TADA2A: variants seen among roughly 807,000 people sequenced by gnomAD.
The protein encoded by TADA2A is transcriptional adapter 2-alpha.
In TADA2A, 38 loss-of-function variants were observed where a neutral mutation model predicts 67.4. The ratio of observed to expected loss-of-function variants is 0.56; its 90% CI spans 0.44 to 0.74. The LOEUF (loss-of-function observed/expected upper bound fraction) is 0.74, where lower values mean the gene tolerates loss of function less well. Ranked by LOEUF, TADA2A falls within the 30% of genes least tolerant of loss-of-function variation. The pLI is 0.00. For synonymous variants in TADA2A, 192 were observed against 181.6 expected (o/e 1.06, Z -0.46); for missense variants, 454 against 547.0 (o/e 0.83, Z 1.70).
At chr17:37,473,574 A>G (rs781673381) in intron 14 of TADA2A, among the ~76,000 whole-genome samples, 22 of 152,140 alleles carry the variant, frequency 1.4e-4, no homozygotes, top group Non-Finnish European at 2.9e-4. Context: ...TTGAAAAGCA[A>G]CCTCTATAAA....
In TADA2A at chr17:37,411,149, A is replaced by T. The variant is rs182089490; in HGVS notation, c.-97-120A>T. On this transcript the variant is annotated intron_variant, in intron 1 of 15. Transcript: ENST00000615182. ...GGAAGAAACAGGTTTTCAGAGGTGG[A>T]ATAATTTTTCAACATTACAAAGCTA... 5 of 588,320 alleles carry T rather than the reference A, an allele frequency of 8.5e-6. No homozygotes were observed. The Admixed American group carries it at 1.2e-4, about 14-fold the overall frequency. The allele number at this position is 588,320 out of a possible 1,614,324, so 36.4% of individuals were successfully genotyped here. A position where few individuals can be genotyped will look rare whatever the true frequency, so the allele number is the denominator to read the frequency against.
chr17:37,458,639 G>T (rs748505179), intron 9 of TADA2A, 52 bp downstream of exon 9: 64,212 of 189,316 alleles, frequency 0.34, 2,078 homozygotes, highest in Middle Eastern at 0.38. Context: ...TTATTGTTTT[G>T]TGTGTGTGTG....
Position 37,423,554 on chromosome 17 carries a change from T to C in TADA2A, c.71T>C (p.Leu24Pro). 1 of 1,613,206 alleles carries C rather than the reference T, an allele frequency of 6.2e-7. No homozygotes were observed. The highest frequency in any genetic ancestry group is 8.5e-7 in the Non-Finnish European group (1 of 1,179,828). Reference sequence around the variant, plus strand: ...CCTTGCCGAGGCTGCTCCTCCTACCTCATGGAGCCTTATATCAAGTGTGCT... The same window carrying C: ...CCTTGCCGAGGCTGCTCCTCCTACCCCATGGAGCCTTATATCAAGTGTGCT... ...KPPCRGCSSY[L>P]MEPYIKCAEC... is the part of the protein sequence containing the mutation. The change falls in exon 3 of 16, where the codon CTC (leucine) becomes CCC (proline). Residue 24 changes from leucine (L) to proline (P), a missense_variant. Coordinates refer to ENST00000615182, the MANE Select transcript of TADA2A (RefSeq NM_001166105.3).
chr17:37,407,428 G>A (rs1386638449), intron 1 of TADA2A: 1 of 152,222 alleles, frequency 6.6e-6, no homozygotes, highest in Non-Finnish European at 1.5e-5. Flanking sequence ...TCCACAACTC[G>A]GGAGCCTGCG....
At chr17:37,474,979 A>C (rs2053863651) in intron 15 of TADA2A, among the ~76,000 whole-genome samples, 3 of 152,162 alleles carry the variant, frequency 2.0e-5, no homozygotes, top group Non-Finnish European at 4.4e-5. Flanking sequence ...TAACTTCTAC[A>C]TGAAAATAGA....
chr17:37,442,502 A>G, intron 6 of TADA2A, 62 bp from the exon 7 acceptor site: 1 of 1,243,380 alleles, frequency 8.0e-7, no homozygotes, highest in Non-Finnish European at 1.2e-6. Context: ...TTGGACTATT[A>G]TGTCATTTTT....
intron 8 of TADA2A, among the ~76,000 whole-genome samples, chr17:37,452,916 A>G (rs1351483530): frequency 6.6e-6 from 1 of 152,194 alleles, no homozygotes; most frequent in Non-Finnish European, 1.5e-5. Context: ...AACAAAAAGA[A>G]TCCATGGTAG....
At chr17:37,462,348 G>T (rs1332501150) in intron 10 of TADA2A, among the ~76,000 whole-genome samples, 1 of 152,086 alleles carries the variant, frequency 6.6e-6, no homozygotes, top group East Asian at 1.9e-4. Context: ...TTAATTTGGG[G>T]CCAGGCGCGG....
chr17:37,466,679 C>G (rs1887128191), intron 11 of TADA2A, among the ~76,000 whole-genome samples: 1 of 152,166 alleles, frequency 6.6e-6, no homozygotes, highest in Non-Finnish European at 1.5e-5. Flanking sequence ...TACCAGGTGA[C>G]TGATCCTTTA....
chr17:37,438,793 C>T (rs75709051), intron 5 of TADA2A, among the ~76,000 whole-genome samples: 7,836 of 152,194 alleles, frequency 0.051, 255 homozygotes, highest in Middle Eastern at 0.082. Flanking sequence ...TTTTTGCTTA[C>T]CATTCTCTCT....
At chr17:37,414,713 T>C (rs1226449846) in intron 2 of TADA2A, among the ~76,000 whole-genome samples, 1 of 152,162 alleles carries the variant, frequency 6.6e-6, no homozygotes, top group South Asian at 2.1e-4. Flanking sequence ...CATTAATTCC[T>C]CATTCACATG....
rs749593818 is a variant in TADA2A at position 37,476,865 on chromosome 17, T to G, written c.1215T>G (p.Cys405Trp). The G allele has an allele frequency of 3.1e-6, 5 of 1,614,050 alleles. No individual in the cohort carries two copies. The highest frequency in any genetic ancestry group is 1.7e-6 in the Non-Finnish European group (2 of 1,180,028). Residue 405 changes from cysteine to tryptophan, a missense_variant, in exon 16 of 16, where the codon TGT becomes TGG. Transcript: ENST00000615182. ...LEYKSALLNE[C>W]NKQGGLRLAQ... ...ACAAATCTGCTCTATTGAACGAATG[T>G]AACAAGCAAGGAGGCTTAAGACTGG...
intron 5 of TADA2A, 55 bp from the exon 6 acceptor site, chr17:37,440,450 T>TAAAA: frequency 6.3e-7 from 1 of 1,580,600 alleles, no homozygotes; most frequent in Non-Finnish European, 8.6e-7. Context: ...ATGATGCTTT[T>TAAAA]AGTATTATGT....
At chr17:37,474,096 G>A (rs28373531) in intron 14 of TADA2A, among the ~76,000 whole-genome samples, 8,865 of 152,194 alleles carry the variant, frequency 0.058, 309 homozygotes, top group Middle Eastern at 0.099. Context: ...GGTGATAGTC[G>A]GGCATGGTGG....
intron 3 of TADA2A, among the ~76,000 whole-genome samples, chr17:37,425,645 CAG>C (rs1330820513): frequency 6.6e-6 from 1 of 151,822 alleles, no homozygotes; most frequent in African/African-American, 2.4e-5. Context: ...ATCTTGATTT[CAG>C]AGAGTTTTTT....
intron 2 of TADA2A, among the ~76,000 whole-genome samples, chr17:37,422,996 T>C (rs986906847): frequency 1.3e-5 from 2 of 152,160 alleles, no homozygotes; most frequent in African/African-American, 2.4e-5. Flanking sequence ...TCCAGAGCTT[T>C]GAGAGGCCAA....
In TADA2A at chr17:37,432,179, T is replaced by A. The variant is rs879302086; in HGVS notation, c.192+5170T>A. Reference sequence around the variant, plus strand: ...GCTTTTTTATTTATTTATTTATTTTTTTTTTGTGACAGTCTTGCTCTATTG... The same window carrying A: ...GCTTTTTTATTTATTTATTTATTTTATTTTTGTGACAGTCTTGCTCTATTG... On this transcript the variant is annotated intron_variant, in intron 4 of 15. Coordinates refer to ENST00000615182, the MANE Select transcript of TADA2A (RefSeq NM_001166105.3). Among the ~76,000 whole-genome samples, 442 of 152,172 alleles carry A rather than the reference T, an allele frequency of 2.9e-3. 4 individuals carry two copies. The highest frequency in any genetic ancestry group is 2.4e-3 in the Non-Finnish European group (162 of 68,012).
chr17:37,468,515 C>G (rs1597943753), intron 12 of TADA2A, among the ~76,000 whole-genome samples: 1 of 151,586 alleles, frequency 6.6e-6, no homozygotes. Context: ...TGATTCTATC[C>G]AAATTTATTT....
intron 3 of TADA2A, among the ~76,000 whole-genome samples, chr17:37,424,650 G>A (rs897219512): frequency 5.3e-5 from 8 of 151,924 alleles, no homozygotes; most frequent in South Asian, 2.1e-4. Flanking sequence ...TCTGCCTCCC[G>A]GGTTCAAGCG....
Sources: gnomAD v4.1 joint callset for allele counts (sites outside exome capture counted in the v4.1 genomes callset) on GRCh38, gnomAD v4.1.1 for gene constraint, MANE v1.5 for transcripts, NCBI Gene and HGNC (gene_info 2026-07-23, HGNC 2026-07-21) for gene names.